MRC2: variants seen among roughly 807,000 people sequenced by gnomAD.
MRC2 encodes C-type mannose receptor 2.
A neutral mutation model predicts 206.2 loss-of-function variants in MRC2; 84 were observed. The ratio of observed to expected loss-of-function variants is 0.41; its 90% confidence interval spans 0.34 to 0.49. The LOEUF is 0.49. Among genes scored for constraint, MRC2 ranks in the 20% least tolerant of loss-of-function variants. MRC2 has a pLI of 0.31. For missense variants in MRC2, 1,676 were observed against 2,001.5 expected (o/e 0.84, Z 3.10); for synonymous variants, 798 against 800.0 (o/e 1.00, Z 0.04).
chr17:62,662,406 T>C (rs1281440002), intron 1 of MRC2, among the ~76,000 whole-genome samples: 1 of 152,208 alleles, frequency 6.6e-6, no homozygotes, highest in Non-Finnish European at 1.5e-5. Context: ...ACGACTCTTG[T>C]CATCAAATTG....
chr17:62,646,733 G>A (rs988612042), intron 1 of MRC2, among the ~76,000 whole-genome samples: 4 of 152,216 alleles, frequency 2.6e-5, no homozygotes, highest in African/African-American at 4.8e-5. Flanking sequence ...CAAATGTGCT[G>A]GGTTTAGTGT....
At chr17:62,647,906 G>A (rs2465451) in intron 1 of MRC2, among the ~76,000 whole-genome samples, 100,112 of 151,966 alleles carry the variant, frequency 0.66, 33,180 homozygotes, top group East Asian at 0.81. Flanking sequence ...CGGGCAGCAC[G>A]AGGTACCTGC....
intron 1 of MRC2, among the ~76,000 whole-genome samples, chr17:62,639,292 C>T (rs956844637): frequency 6.6e-6 from 1 of 150,802 alleles, no homozygotes; most frequent in Non-Finnish European, 1.5e-5. Context: ...TGTGGTGAGC[C>T]GAGATTGTGC....
At chr17:62,661,562 C>CCT (rs2088681266) in intron 1 of MRC2, 3 of 125,460 alleles carry the variant, frequency 2.4e-5, no homozygotes, top group African/African-American at 9.1e-5. Context: ...TTCTTTCTTT[C>CCT]TCCTTCCTTC....
chr17:62,645,518 TATATATATA>T (rs1435497036), intron 1 of MRC2, among the ~76,000 whole-genome samples: 156 of 69,784 alleles, frequency 2.2e-3, no homozygotes, highest in Non-Finnish European at 2.7e-3. Context: ...TATATATATA[TATATATATA>T]TTTTTTTTTT....
intron 1 of MRC2, among the ~76,000 whole-genome samples, chr17:62,645,775 A>C (rs1372905907): frequency 6.6e-6 from 1 of 151,074 alleles, no homozygotes; most frequent in Non-Finnish European, 1.5e-5. Flanking sequence ...CCTGAGCTCA[A>C]GCAATCCACC....
chr17:62,630,160 A>C (rs2084205288), intron 1 of MRC2, among the ~76,000 whole-genome samples: 1 of 152,190 alleles, frequency 6.6e-6, no homozygotes. Context: ...CCTCTGGAAA[A>C]AGAAAATCGT....
chr17:62,641,496 A>G (rs561302371), intron 1 of MRC2, among the ~76,000 whole-genome samples: 100 of 152,258 alleles, frequency 6.6e-4, no homozygotes, highest in African/African-American at 2.1e-3. Context: ...TTGGTCCCCA[A>G]GGAAAGGGGA....
At chr17:62,674,702 G>C in intron 9 of MRC2, among the ~76,000 whole-genome samples, 1 of 125,714 alleles carries the variant, frequency 8.0e-6, no homozygotes, top group Non-Finnish European at 1.5e-5. Context: ...GGGAGGTTGA[G>C]GGGGGGGGTG....
intron 1 of MRC2, among the ~76,000 whole-genome samples, chr17:62,647,190 T>TC (rs1205065847): frequency 2.0e-5 from 3 of 150,012 alleles, no homozygotes; most frequent in African/African-American, 4.9e-5. Context: ...CTTTTTCTTT[T>TC]TTTTTTTTTT....
chr17:62,659,212 C>T (rs2088652789), intron 1 of MRC2, among the ~76,000 whole-genome samples: 1 of 152,114 alleles, frequency 6.6e-6, no homozygotes, highest in Admixed American at 6.6e-5. Flanking sequence ...TCCCAAAGGT[C>T]TCACATCCTA....
intron 1 of MRC2, among the ~76,000 whole-genome samples, chr17:62,650,051 C>T (rs2088537438): frequency 6.6e-6 from 1 of 152,076 alleles, no homozygotes; most frequent in African/African-American, 2.4e-5. Flanking sequence ...CCCGCCACCA[C>T]ACCCGGCTAA....
chr17:62,632,368 T>C (rs2088251904), intron 1 of MRC2, among the ~76,000 whole-genome samples: 1 of 152,114 alleles, frequency 6.6e-6, no homozygotes, highest in Non-Finnish European at 1.5e-5. Flanking sequence ...GCCTCTTGGC[T>C]CTGCACTCTC....
rs1243164633 is a variant in MRC2, at chr17:62,683,399, C to T, written c.2946+1022C>T. 6.0e-5 allele frequency among the ~76,000 whole-genome samples: 9 copies of T among 149,894 alleles called. 1 individual carries two copies. In the South Asian group the frequency reaches 1.7e-3, roughly 28 times the overall value. ...AGGAGAATTGCTTGAATCCTGGAGG[C>T]GGAAGTTGCGGTGAGTCAAGATCGT... On this transcript the variant is annotated intron_variant, in intron 20 of 29. Coordinates refer to ENST00000303375, the MANE Select transcript of MRC2 (RefSeq NM_006039.5).
rs1462154439 is a variant in MRC2 at position 62,692,713 on chromosome 17, C to G, written c.*262C>G. 2.2e-6 allele frequency: 1 copy of G among 446,944 alleles called. No homozygotes were observed. 27.7% of individuals were successfully genotyped at this position (446,944 alleles called of 1,614,324 possible). The stretch of plus-strand genomic sequence containing the variant: ...GTCTTGTCACCTGGTCCTGTGCCCC[C>G]ACAGGAACCAGAGGTAGGATGGGAG... On this transcript the variant is annotated 3_prime_UTR_variant, in exon 30 of 30. Transcript: ENST00000303375. This position sits in a 1 kb window ranked among gnomAD's most constrained non-coding sequence, Gnocchi z 4.2.
intron 20 of MRC2, among the ~76,000 whole-genome samples, chr17:62,687,625 T>G (rs4968625): frequency 0.86 from 131,662 of 152,244 alleles, 59,307 homozygotes; most frequent in Non-Finnish European, 0.98. Context: ...AAGAGAAATG[T>G]AAAATTACAG....
At chr17:62,661,628 T>C (rs957598093) in intron 1 of MRC2, 1 of 149,490 alleles carries the variant, frequency 6.7e-6, no homozygotes, top group Non-Finnish European at 1.5e-5. Context: ...TTCTTAAGAC[T>C]AGTAAAGTCA....
intron 1 of MRC2, among the ~76,000 whole-genome samples, chr17:62,651,469 G>T (rs914234740): frequency 6.6e-6 from 1 of 152,236 alleles, no homozygotes; most frequent in Non-Finnish European, 1.5e-5. Flanking sequence ...TCCTCAGTGG[G>T]CACTTGGCCA....
intron 1 of MRC2, among the ~76,000 whole-genome samples, chr17:62,643,526 C>T (rs1167216583): frequency 6.6e-6 from 1 of 151,994 alleles, no homozygotes; most frequent in Non-Finnish European, 1.5e-5. Flanking sequence ...AACATGGCAA[C>T]TAGCTCATAT....
Sources: allele counts gnomAD v4.1 joint callset (sites outside exome capture counted in the v4.1 genomes callset), GRCh38; gene constraint gnomAD v4.1.1; non-coding constraint Gnocchi (gnomAD v3.1); transcripts MANE v1.5; gene names NCBI Gene and HGNC (gene_info 2026-07-23, HGNC 2026-07-21).